The following NMU variants were observed in gnomAD, a reference collection of about 807,000 sequenced individuals.
The protein encoded by NMU is neuromedin-U.
In NMU, 29 loss-of-function variants were observed where a neutral mutation model predicts 35.4. That is an observed-to-expected ratio of 0.82 (90% CI 0.61 to 1.12). NMU has a LOEUF of 1.12. Ranked by LOEUF, NMU falls within the 50% of genes most tolerant of loss-of-function variation. The pLI, the probability that NMU is intolerant of heterozygous loss-of-function variation, is 0.00. For synonymous variants in NMU, 78 were observed against 81.3 expected, an observed-to-expected ratio of 0.96 and a Z score of 0.22; for missense variants, 199 against 206.2, an observed-to-expected ratio of 0.97 and a Z score of 0.21.
rs778587184 is a variant in NMU, at chr4:55,599,155, C to A, written c.516G>T (p.Gly172=). Residue 172 remains glycine, a synonymous_variant, in exon 9 of 10, where the codon GGG becomes GGT. Transcript: ENST00000264218. The stretch of plus-strand genomic sequence containing the variant: ...TTTCTCACATACCATTTTAAATGAA[C>A]CCTGCTGACCTTCTTCCATTCCGTG... The part of the protein sequence containing the change: ...FRPRNGRRSA[G]FI The A allele has an allele frequency of 6.2e-7, 1 of 1,605,156 alleles. No individual in the cohort carries two copies. Among genetic ancestry groups the A allele is most frequent in the Admixed American group, 1.7e-5 (1 of 59,984 alleles).
chr4:55,612,301 G>A (rs1477018737), intron 3 of NMU, among the ~76,000 whole-genome samples: 2 of 152,206 alleles, frequency 1.3e-5, no homozygotes. Context: ...TCAGGAGGCT[G>A]AGGTGGGAGG....
upstream of NMU, chr4:55,636,597 AGT>A (rs938544814): frequency 9.0e-4 from 146 of 163,122 alleles, 1 homozygote; most frequent in African/African-American, 3.1e-3. This position sits in a 1 kb window ranked among gnomAD's most constrained non-coding sequence, Gnocchi z 4.0. Flanking sequence ...AGGCCGTCTG[AGT>A]TTTTAAACTT....
At chr4:55,600,501 A>T in intron 8 of NMU, 21 bp downstream of exon 8, 4 of 1,532,800 alleles carry the variant, frequency 2.6e-6, no homozygotes, top group Middle Eastern at 1.7e-4. Context: ...TTGATTTTTT[A>T]AAAATACAGT....
At chr4:55,634,877 G>GTC (rs35528434) in intron 1 of NMU, among the ~76,000 whole-genome samples, 22 of 149,668 alleles carry the variant, frequency 1.5e-4, no homozygotes, top group African/African-American at 3.2e-4. Context: ...CTCTCTTTCT[G>GTC]TCTCTCTCTC....
At chr4:55,603,178 G>A (rs56288855) in intron 7 of NMU, among the ~76,000 whole-genome samples, 23,581 of 151,418 alleles carry the variant, frequency 0.16, 2,167 homozygotes, top group South Asian at 0.24. Flanking sequence ...TTTTGTTTTT[G>A]TTTTTGTATT....
chr4:55,615,327 G>C (rs755123600), intron 3 of NMU, among the ~76,000 whole-genome samples: 22 of 152,356 alleles, frequency 1.4e-4, no homozygotes, highest in Non-Finnish European at 2.9e-4. Flanking sequence ...TATAGAGTCA[G>C]TGTTCTTGCT....
chr4:55,601,102 A>T (rs1239477438), intron 7 of NMU, among the ~76,000 whole-genome samples: 1 of 152,138 alleles, frequency 6.6e-6, no homozygotes, highest in Non-Finnish European at 1.5e-5. Flanking sequence ...AGATGTTCCT[A>T]ATATAATTAT....
intron 1 of NMU, among the ~76,000 whole-genome samples, chr4:55,634,594 TGCAAGCATATA>T (rs1225759953): frequency 6.6e-6 from 1 of 152,204 alleles, no homozygotes; most frequent in Non-Finnish European, 1.5e-5. Flanking sequence ...CAAAATTCAC[TGCAAGCATATA>T]GCATGCAAAT....
chr4:55,607,148 A>G (rs1733714252), intron 6 of NMU, 150 bp downstream of exon 6: 2 of 620,906 alleles, frequency 3.2e-6, no homozygotes, highest in Admixed American at 2.9e-5. Flanking sequence ...AATCAAATGT[A>G]TAATAAATAT....
intron 2 of NMU, among the ~76,000 whole-genome samples, chr4:55,627,848 A>G (rs1448437335): frequency 6.6e-6 from 1 of 152,252 alleles, no homozygotes; most frequent in Non-Finnish European, 1.5e-5. Flanking sequence ...TGACACAAAT[A>G]AAGTATTTAA....
chr4:55,602,213 T>C (rs573349321), intron 7 of NMU, among the ~76,000 whole-genome samples: 22 of 152,266 alleles, frequency 1.4e-4, no homozygotes, highest in Non-Finnish European at 2.8e-4. Flanking sequence ...GGAATGATAT[T>C]GAAAGATGTC....
At chr4:55,613,962 A>C (rs1316134225) in intron 3 of NMU, among the ~76,000 whole-genome samples, 1 of 152,206 alleles carries the variant, frequency 6.6e-6, no homozygotes, top group Non-Finnish European at 1.5e-5. Context: ...TACAAAAAAC[A>C]ATTCCTAATT....
intron 2 of NMU, among the ~76,000 whole-genome samples, chr4:55,619,589 G>A (rs2110204077): frequency 7.3e-6 from 1 of 136,564 alleles, no homozygotes; most frequent in East Asian, 2.2e-4. Context: ...GGCTGGGGGA[G>A]GGGCGCCCGC....
At chr4:55,602,796 T>C (rs776080284) in intron 7 of NMU, among the ~76,000 whole-genome samples, 59 of 152,324 alleles carry the variant, frequency 3.9e-4, no homozygotes, top group Non-Finnish European at 7.1e-4. Context: ...CATCAGATAT[T>C]GTCTTCTTTG....
chr4:55,596,604 T>C lies in NMU; in HGVS notation c.*5-1193A>G, dbSNP rs111540193. On this transcript the variant is annotated intron_variant, in intron 9 of 9. Transcript: ENST00000264218. ...AAAAAATACAAAATTAAGGATATGT[T>C]TTCTCATATTCCTTATGTGAACATA... Among the ~76,000 whole-genome samples, 207 of 152,260 alleles carry C rather than the reference T, an allele frequency of 1.4e-3. 2 individuals are homozygous for C. Among genetic ancestry groups the C allele is most frequent in the African/African-American group, 4.6e-3 (193 of 41,576 alleles).
rs548995212 is a variant in NMU, at chr4:55,630,522, A to G, written c.113-62T>C. Reference sequence around the variant, plus strand: ...GCATTTCTTCTAAAATTAAATATCCATATATAATTCTTTCTCGCACACTTT... The same window carrying G: ...GCATTTCTTCTAAAATTAAATATCCGTATATAATTCTTTCTCGCACACTTT... On this transcript the variant is annotated intron_variant, in intron 1 of 9. Transcript: ENST00000264218. 101 of 1,273,868 alleles carry G rather than the reference A, an allele frequency of 7.9e-5. 1 individual carries two copies. Among genetic ancestry groups the G allele is most frequent in the Middle Eastern group, 2.3e-4 (1 of 4,302 alleles). The allele number at this position is 1,273,868 out of a possible 1,614,324, so 78.9% of individuals were successfully genotyped here. A position where few individuals can be genotyped will look rare whatever the true frequency, so the allele number is the denominator to read the frequency against.
chr4:55,601,771 G>C (rs953344656), intron 7 of NMU, among the ~76,000 whole-genome samples: 1 of 152,022 alleles, frequency 6.6e-6, no homozygotes, highest in Non-Finnish European at 1.5e-5. Context: ...AGAATCACTT[G>C]AGCCCAGGAG....
chr4:55,605,780 A>G (rs1444598812), intron 6 of NMU, among the ~76,000 whole-genome samples: 2 of 152,376 alleles, frequency 1.3e-5, no homozygotes, highest in East Asian at 3.8e-4. Context: ...TATACTATAC[A>G]CACATCTAAT....
chr4:55,598,696 T>C (rs1443447882), intron 9 of NMU, among the ~76,000 whole-genome samples: 2 of 152,234 alleles, frequency 1.3e-5, no homozygotes, highest in African/African-American at 2.4e-5. Context: ...CTAGCTTTTA[T>C]AAAGAATCTT....
Sources: gnomAD v4.1 joint callset for allele counts (sites outside exome capture counted in the v4.1 genomes callset) on GRCh38, gnomAD v4.1.1 for gene constraint, Gnocchi (gnomAD v3.1) non-coding constraint, MANE v1.5 for transcripts, NCBI Gene and HGNC (gene_info 2026-07-23, HGNC 2026-07-21) for gene names.